The following PACSIN1 variants were observed in gnomAD, a reference collection of about 807,000 sequenced individuals.
PACSIN1 encodes protein kinase C and casein kinase substrate in neurons 1.
Under a neutral mutation model 59.5 loss-of-function variants are expected in PACSIN1, and 15 were observed. That is an observed-to-expected ratio of 0.25 (90% CI 0.17 to 0.39). The LOEUF (loss-of-function observed/expected upper bound fraction) is 0.39. Among genes scored for constraint, PACSIN1 ranks in the 10% least tolerant of loss-of-function variants. PACSIN1 has a pLI of 1.00. For missense variants in PACSIN1, 420 were observed against 580.2 expected (o/e 0.72, Z 2.84); for synonymous variants, 210 against 220.6 (o/e 0.95, Z 0.42).
chr6:34,519,520 A>G (rs1767351504), intron 1 of PACSIN1, among the ~76,000 whole-genome samples: 1 of 152,090 alleles, frequency 6.6e-6, no homozygotes, highest in South Asian at 2.1e-4. Context: ...GGTGAGGCCC[A>G]ACAGTCCTGG....
chr6:34,506,918 G>A lies in PACSIN1; in HGVS notation c.-63-19325G>A, dbSNP rs377203154. On this transcript the variant is annotated intron_variant, in intron 1 of 9. Coordinates refer to ENST00000244458, the MANE Select transcript of PACSIN1 (RefSeq NM_020804.5). ...CATTCTTCACTGTTGTCACCCTGGC[G>A]GTGGGGGATGGGGCTCCTAGTTACG... is the stretch of plus-strand genomic sequence containing the variant. 7.2e-5 allele frequency among the ~76,000 whole-genome samples: 11 copies of A among 152,138 alleles called. 1 individual carries two copies. The South Asian group carries it at 1.7e-3, about 23-fold the overall frequency.
chr6:34,484,978 T>C (rs952900362), intron 1 of PACSIN1: 4 of 151,914 alleles, frequency 2.6e-5, no homozygotes, highest in African/African-American at 9.7e-5. Context: ...GCCCTGCAGA[T>C]GTCAAGGGAG....
intron 1 of PACSIN1, among the ~76,000 whole-genome samples, chr6:34,469,251 T>A (rs776635899): frequency 2.0e-4 from 31 of 152,210 alleles, no homozygotes; most frequent in Non-Finnish European, 4.3e-4. Flanking sequence ...TTATTATTTT[T>A]TCTTATTACC....
At chr6:34,470,844 G>A (rs1368587453) in intron 1 of PACSIN1, among the ~76,000 whole-genome samples, 1 of 152,122 alleles carries the variant, frequency 6.6e-6, no homozygotes, top group Non-Finnish European at 1.5e-5. Flanking sequence ...TTTAGTCTAA[G>A]TATGTCCCAA....
intron 1 of PACSIN1, among the ~76,000 whole-genome samples, chr6:34,485,978 C>A (rs1766787429): frequency 6.6e-6 from 1 of 152,112 alleles, no homozygotes; most frequent in Non-Finnish European, 1.5e-5. Context: ...ACACATGGGC[C>A]CGCAACGTGG....
intron 1 of PACSIN1, among the ~76,000 whole-genome samples, chr6:34,512,685 C>T (rs957605064): frequency 2.0e-5 from 3 of 152,202 alleles, no homozygotes; most frequent in Non-Finnish European, 4.4e-5. Context: ...GTGGGGTCCT[C>T]GTGCCCACCA....
intron 1 of PACSIN1, among the ~76,000 whole-genome samples, chr6:34,517,080 C>T (rs527902885): frequency 5.9e-5 from 9 of 152,310 alleles, no homozygotes; most frequent in Non-Finnish European, 8.8e-5. Flanking sequence ...ATCCCCCCAA[C>T]GCCGTTCCTC....
chr6:34,491,776 TA>T (rs1766881039), intron 1 of PACSIN1, among the ~76,000 whole-genome samples: 2 of 152,106 alleles, frequency 1.3e-5, no homozygotes, highest in South Asian at 4.2e-4. Flanking sequence ...CATGCCCAGC[TA>T]ATTTTTGTAT....
At position 34,496,895 on chromosome 6, in the gene PACSIN1, T is replaced by TA. The variant is rs550993628; in HGVS notation, c.-63-29338dup. Among the ~76,000 whole-genome samples the TA allele has an allele frequency of 3.9e-3, 560 of 143,020 alleles. 3 individuals carry two copies. The highest frequency in any genetic ancestry group is 0.012 in the African/African-American group (451 of 39,202). The allele number at this position is 143,020 out of a possible 152,430, so 93.8% of individuals were successfully genotyped here. On this transcript the variant is annotated intron_variant, in intron 1 of 9. Coordinates refer to ENST00000244458, the MANE Select transcript of PACSIN1 (RefSeq NM_020804.5). ...ACCTCTCTGAGCTCCAGTTTCAACT[T>TA]AAAAAAAAAATAGAGATAATGATAT...
intron 1 of PACSIN1, among the ~76,000 whole-genome samples, chr6:34,524,984 A>G (rs1368813774): frequency 1.3e-5 from 2 of 152,214 alleles, no homozygotes; most frequent in Non-Finnish European, 2.9e-5. Flanking sequence ...AGGGATACCT[A>G]TCTCACCTGG....
intron 1 of PACSIN1, among the ~76,000 whole-genome samples, chr6:34,512,175 G>A (rs1767213226): frequency 6.6e-6 from 1 of 152,038 alleles, no homozygotes; most frequent in African/African-American, 2.4e-5. Flanking sequence ...AGCAGCAGTT[G>A]GGGCCAGATT....
At chr6:34,499,265 C>T (rs1766990886) in intron 1 of PACSIN1, among the ~76,000 whole-genome samples, 1 of 151,480 alleles carries the variant, frequency 6.6e-6, no homozygotes, top group African/African-American at 2.4e-5. Flanking sequence ...TCTAATGTTG[C>T]CAGACAGGAG....
chr6:34,516,552 G>A lies in PACSIN1; in HGVS notation c.-63-9691G>A, dbSNP rs1179417177. Reference sequence around the variant, plus strand: ...CTGCTGGCCTCAGTTGCCCGTCAGCGGCCGCCCCCACCTCCACTGGAGCAG... The same window carrying A: ...CTGCTGGCCTCAGTTGCCCGTCAGCAGCCGCCCCCACCTCCACTGGAGCAG... On this transcript the variant is annotated intron_variant, in intron 1 of 9. Coordinates refer to ENST00000244458, the MANE Select transcript of PACSIN1 (RefSeq NM_020804.5). The surrounding 1 kb of genome is among the most constrained non-coding windows in gnomAD (Gnocchi z 5.4). Among the ~76,000 whole-genome samples, 1 of 152,190 alleles carries A rather than the reference G, an allele frequency of 6.6e-6. No individual in the cohort carries two copies. The highest frequency in any genetic ancestry group is 1.5e-5 in the Non-Finnish European group (1 of 68,016).
intron 1 of PACSIN1, among the ~76,000 whole-genome samples, chr6:34,513,667 G>A (rs1767240216): frequency 6.6e-6 from 1 of 152,058 alleles, no homozygotes; most frequent in Non-Finnish European, 1.5e-5. Context: ...GTAGGGATAT[G>A]TGTGAGCCCC....
chr6:34,513,648 G>A (rs1767239983), intron 1 of PACSIN1, among the ~76,000 whole-genome samples: 1 of 152,092 alleles, frequency 6.6e-6, no homozygotes, highest in Non-Finnish European at 1.5e-5. Flanking sequence ...ACCGATGCTA[G>A]AGGGGTGAGT....
chr6:34,500,331 G>A (rs1032970028), intron 1 of PACSIN1, among the ~76,000 whole-genome samples: 2 of 152,190 alleles, frequency 1.3e-5, no homozygotes, highest in Non-Finnish European at 2.9e-5. Context: ...ATTAAAAAAC[G>A]AGTGTTGCAG....
intron 1 of PACSIN1, among the ~76,000 whole-genome samples, chr6:34,484,761 T>G (rs1766767443): frequency 1.3e-5 from 2 of 152,216 alleles, no homozygotes; most frequent in South Asian, 4.1e-4. Flanking sequence ...AGCCTAAAAC[T>G]GCTCTAAAAA....
In PACSIN1 at chr6:34,532,485, C is replaced by T. The variant is rs758543656; in HGVS notation, c.1290C>T (p.Ser430=). ...EQGWCRGRLD[S]GQLGLYPANY... ...GCTGGTGCCGTGGGCGGCTGGACAG[C>T]GGGCAGCTGGGCCTCTACCCTGCCA... is the stretch of plus-strand genomic sequence containing the variant. The change falls in exon 10 of 10, where the codon AGC becomes AGT. Residue 430 remains serine, a synonymous_variant. Coordinates refer to ENST00000244458, the MANE Select transcript of PACSIN1 (RefSeq NM_020804.5). The surrounding 1 kb of genome is among the most constrained non-coding windows in gnomAD (Gnocchi z 5.2). The T allele has an allele frequency of 6.4e-7, 1 of 1,570,034 alleles. No individual in the cohort carries two copies. The highest frequency in any genetic ancestry group is 1.2e-5 in the South Asian group (1 of 85,318).
Position 34,525,925 on chromosome 6 carries a change from C to T in PACSIN1, c.-63-318C>T, listed in dbSNP as rs2127272625. On this transcript the variant is annotated intron_variant, in intron 1 of 9. Coordinates refer to ENST00000244458, the MANE Select transcript of PACSIN1 (RefSeq NM_020804.5). This position sits in a 1 kb window ranked among gnomAD's most constrained non-coding sequence, Gnocchi z 4.9. Reference sequence around the variant, plus strand: ...CGGGGCTCAGATAACTGAGGAGGCGCTGAGCCTGGGCTCCAACAGTCCAGG... The same window carrying T: ...CGGGGCTCAGATAACTGAGGAGGCGTTGAGCCTGGGCTCCAACAGTCCAGG... 6.6e-6 allele frequency among the ~76,000 whole-genome samples: 1 copy of T among 152,162 alleles called. No individual in the cohort carries two copies. Among genetic ancestry groups the T allele is most frequent in the East Asian group, 1.9e-4 (1 of 5,170 alleles).
Sources: gnomAD v4.1 joint callset for allele counts (sites outside exome capture counted in the v4.1 genomes callset) on GRCh38, gnomAD v4.1.1 for gene constraint, Gnocchi (gnomAD v3.1) non-coding constraint, MANE v1.5 for transcripts, NCBI Gene and HGNC (gene_info 2026-07-23, HGNC 2026-07-21) for gene names.